Variants in LRRC49 observed in about 807,000 individuals in gnomAD.
The protein encoded by LRRC49 is leucine rich repeat containing 49, also known as leucine-rich repeat-containing protein 49.
In LRRC49, 50 loss-of-function variants were observed where a neutral mutation model predicts 83.3. The ratio of observed to expected loss-of-function variants is 0.60; its 90% CI spans 0.48 to 0.76. LRRC49 has a LOEUF of 0.76. Among genes scored for constraint, LRRC49 ranks in the 30% least tolerant of loss-of-function variants. LRRC49 has a pLI of 0.00. For missense variants in LRRC49, 704 were observed against 809.1 expected, an observed-to-expected ratio of 0.87 and a Z score of 1.58; for synonymous variants, 286 against 283.3, an observed-to-expected ratio of 1.01 and a Z score of -0.10.
chr15:71,049,682 A>G lies in LRRC49; in HGVS notation c.*70A>G. 1 of 971,764 alleles carries G rather than the reference A, an allele frequency of 1.0e-6. No homozygotes were observed. The highest frequency in any genetic ancestry group is 1.5e-5 in the South Asian group (1 of 67,736). 60.2% of individuals were successfully genotyped at this position (971,764 alleles called of 1,614,324 possible). A position where few individuals can be genotyped will look rare whatever the true frequency, so the allele number is the denominator to read the frequency against. ...AAGGTTGAAAATATGCAGGTTATAC[A>G]TGTTAAAACAACAACAACACTATCC... On this transcript the variant is annotated 3_prime_UTR_variant, in exon 16 of 16. Coordinates refer to ENST00000260382, the MANE Select transcript of LRRC49 (RefSeq NM_017691.5).
At chr15:71,001,167 C>T (rs923819256) in intron 11 of LRRC49, among the ~76,000 whole-genome samples, 1 of 151,852 alleles carries the variant, frequency 6.6e-6, no homozygotes, top group Non-Finnish European at 1.5e-5. Context: ...TTTTATTATA[C>T]CTGTAATTGA....
At chr15:70,890,667 A>C (rs544357318), upstream of LRRC49, among the ~76,000 whole-genome samples, 1 of 152,344 alleles carries the variant, frequency 6.6e-6, no homozygotes, top group South Asian at 2.1e-4. Context: ...TACATAACTA[A>C]GGGATCAAGG....
chr15:70,960,675 C>T (rs2036573677), intron 8 of LRRC49, among the ~76,000 whole-genome samples: 1 of 151,744 alleles, frequency 6.6e-6, no homozygotes, highest in Non-Finnish European at 1.5e-5. Context: ...AAAAGCAATT[C>T]AATAGAGAAA....
intron 5 of LRRC49, among the ~76,000 whole-genome samples, chr15:70,908,942 A>G (rs1221969969): frequency 6.6e-6 from 1 of 152,228 alleles, no homozygotes; most frequent in Admixed American, 6.5e-5. Context: ...ATTAGAAGCA[A>G]GATGGAGTCA....
intron 14 of LRRC49, among the ~76,000 whole-genome samples, chr15:71,031,860 T>A (rs1274738770): frequency 1.3e-5 from 2 of 152,038 alleles, no homozygotes; most frequent in Non-Finnish European, 2.9e-5. Flanking sequence ...AGCTCGATCA[T>A]CCCGGGTCAA....
intron 1 of LRRC49, among the ~76,000 whole-genome samples, chr15:70,866,279 T>C (rs1200863918): frequency 6.6e-6 from 1 of 152,084 alleles, no homozygotes; most frequent in Admixed American, 6.5e-5. Context: ...CCTAAGTTGC[T>C]GGGACTACAG....
At chr15:70,962,222 A>C (rs914777353) in intron 8 of LRRC49, among the ~76,000 whole-genome samples, 1 of 152,218 alleles carries the variant, frequency 6.6e-6, no homozygotes, top group Non-Finnish European at 1.5e-5. Flanking sequence ...ATGTTCAGAT[A>C]AGCAAGGGAA....
intron 14 of LRRC49, among the ~76,000 whole-genome samples, chr15:71,036,024 T>G (rs111412053): frequency 0.019 from 2,970 of 152,318 alleles, 92 homozygotes; most frequent in African/African-American, 0.068. Context: ...GACTTTTTAA[T>G]GATCGCCATC....
At chr15:70,871,182 C>T (rs1253563545) in intron 1 of LRRC49, among the ~76,000 whole-genome samples, 1 of 151,942 alleles carries the variant, frequency 6.6e-6, no homozygotes, top group African/African-American at 2.4e-5. Context: ...CTTCAAGCAT[C>T]TGTTTAACAA....
chr15:70,895,781 T>A (rs1448669587), intron 2 of LRRC49, 68 bp from the exon 3 acceptor site: 8 of 918,016 alleles, frequency 8.7e-6, no homozygotes, highest in African/African-American at 1.7e-5. Flanking sequence ...TATGTTTTTT[T>A]AATTTATCTT....
At chr15:70,946,417 G>A (rs2141172558) in intron 8 of LRRC49, among the ~76,000 whole-genome samples, 1 of 152,136 alleles carries the variant, frequency 6.6e-6, no homozygotes, top group East Asian at 1.9e-4. Context: ...AAAAATTACA[G>A]GATTTACTTC....
intron 14 of LRRC49, among the ~76,000 whole-genome samples, chr15:71,028,206 A>G (rs572623516): frequency 1.3e-5 from 2 of 152,158 alleles, no homozygotes; most frequent in South Asian, 4.2e-4. Context: ...AGATAATCAT[A>G]TGGTTTTTGT....
chr15:70,995,375 G>T (rs549197563), intron 11 of LRRC49, among the ~76,000 whole-genome samples: 25 of 152,162 alleles, frequency 1.6e-4, no homozygotes, highest in Non-Finnish European at 3.2e-4. Flanking sequence ...TTTAGAGGTA[G>T]AACACATTTA....
intron 11 of LRRC49, among the ~76,000 whole-genome samples, chr15:71,008,065 G>T: frequency 6.6e-6 from 1 of 151,838 alleles, no homozygotes; most frequent in South Asian, 2.1e-4. Context: ...TGTTGACATG[G>T]AAAGATAACC....
chr15:70,990,468 G>A (rs2083592), intron 11 of LRRC49, among the ~76,000 whole-genome samples: 113,609 of 151,940 alleles, frequency 0.75, 44,640 homozygotes, highest in East Asian at 0.85. Context: ...CTGGTGCGCC[G>A]TTTTTTAAGC....
chr15:71,012,945 A>G lies in LRRC49; in HGVS notation c.1703+32A>G, dbSNP rs1304633711. The G allele has an allele frequency of 4.5e-6, 6 of 1,347,626 alleles. No individual in the cohort carries two copies. In the South Asian group the frequency reaches 7.3e-5, roughly 16 times the overall value. 83.5% of individuals were successfully genotyped at this position (1,347,626 alleles called of 1,614,324 possible). A position where few individuals can be genotyped will look rare whatever the true frequency, so the allele number is the denominator to read the frequency against. ...TTTAATTTTTGTAGTTTTTTATAGA[A>G]TTACTGTTACACTAGAAAAAGAAAT... On this transcript the variant is annotated intron_variant, in intron 14 of 15. Transcript: ENST00000260382.
intron 3 of LRRC49, among the ~76,000 whole-genome samples, chr15:70,897,030 T>C (rs963594223): frequency 8.5e-5 from 13 of 152,200 alleles, no homozygotes; most frequent in African/African-American, 3.1e-4. Context: ...TACAGAATTA[T>C]AGATGTGAAG....
rs373866294 is a variant in LRRC49, at chr15:70,989,592, C to T, written c.1169+5335C>T. 2.3e-4 allele frequency among the ~76,000 whole-genome samples: 35 copies of T among 152,248 alleles called. No individual in the cohort carries two copies. In the South Asian group the frequency reaches 3.9e-3, roughly 17 times the overall value. On this transcript the variant is annotated intron_variant, in intron 11 of 15. Coordinates refer to ENST00000260382, the MANE Select transcript of LRRC49 (RefSeq NM_017691.5). ...TTGGTTTGAATTTCCTCCTGTAGCT[C>T]GGAGTAGTTTGATCATCTGAAGCCT...
intron 14 of LRRC49, among the ~76,000 whole-genome samples, chr15:71,027,595 T>A (rs999423711): frequency 1.3e-5 from 2 of 152,230 alleles, no homozygotes; most frequent in African/African-American, 2.4e-5. Context: ...TTTTTCCATT[T>A]GTTTGTGTCC....
Sources: gnomAD v4.1 joint callset for allele counts (sites outside exome capture counted in the v4.1 genomes callset) on GRCh38, gnomAD v4.1.1 for gene constraint, MANE v1.5 for transcripts, NCBI Gene and HGNC (gene_info 2026-07-23, HGNC 2026-07-21) for gene names.